TNRC6C: variants seen among roughly 807,000 people sequenced by gnomAD.
The protein encoded by TNRC6C is trinucleotide repeat containing adaptor 6C.
TNRC6C carries 20 observed loss-of-function variants against 153.7 expected under a neutral mutation model. That is an observed-to-expected ratio of 0.13 (90% CI 0.09 to 0.19). The LOEUF (loss-of-function observed/expected upper bound fraction) is 0.19. Among genes scored for constraint, TNRC6C ranks in the 10% least tolerant of loss-of-function variants. TNRC6C has a pLI of 1.00. For missense variants in TNRC6C, 1,987 were observed against 2,172.0 expected (o/e 0.91, Z 1.69); for synonymous variants, 811 against 841.4 (o/e 0.96, Z 0.63).
At chr17:78,059,163 T>G (rs2144121097) in intron 3 of TNRC6C, among the ~76,000 whole-genome samples, 1 of 152,196 alleles carries the variant, frequency 6.6e-6, no homozygotes, top group East Asian at 1.9e-4. Flanking sequence ...GCAGATGGAG[T>G]GAATCAGCAA....
At chr17:78,078,373 G>A (rs769820985) in intron 9 of TNRC6C, among the ~76,000 whole-genome samples, 1 of 152,164 alleles carries the variant, frequency 6.6e-6, no homozygotes, top group Non-Finnish European at 1.5e-5. Flanking sequence ...TACACAGAGT[G>A]AAAACTACAG....
chr17:78,091,901 C>T (rs1954053067), intron 14 of TNRC6C, among the ~76,000 whole-genome samples: 2 of 152,052 alleles, frequency 1.3e-5, no homozygotes, highest in Admixed American at 6.5e-5. Flanking sequence ...TATTCATCAA[C>T]AAAAACTTGA....
At chr17:77,974,966 A>T (rs1263465655) in intron 1 of TNRC6C, among the ~76,000 whole-genome samples, 1 of 152,252 alleles carries the variant, frequency 6.6e-6, no homozygotes, top group African/African-American at 2.4e-5. Context: ...TTGCAAAACA[A>T]ATTTGTAAAC....
At chr17:78,039,309 G>C (rs2072244152) in intron 2 of TNRC6C, among the ~76,000 whole-genome samples, 1 of 113,462 alleles carries the variant, frequency 8.8e-6, no homozygotes, top group Admixed American at 8.9e-5. Context: ...TTCAAATCTT[G>C]CCCCCCCCCC....
intron 2 of TNRC6C, among the ~76,000 whole-genome samples, chr17:78,042,971 C>G (rs145113550): frequency 6.6e-6 from 1 of 152,090 alleles, no homozygotes; most frequent in Non-Finnish European, 1.5e-5. Flanking sequence ...AGAGAGATTC[C>G]TAAGCCTACC....
At chr17:78,102,532 C>T (rs2071042984) in exon 18 of TNRC6C, 2 of 1,603,170 alleles carry the variant, frequency 1.2e-6, no homozygotes, top group Non-Finnish European at 1.7e-6. Context: ...TTCTTCGAAA[C>T]CTCACTCCCC....
chr17:78,018,742 A>G (rs934402998), intron 1 of TNRC6C, among the ~76,000 whole-genome samples: 1 of 152,132 alleles, frequency 6.6e-6, no homozygotes, highest in Non-Finnish European at 1.5e-5. Context: ...GTTCCTTGAT[A>G]CAGCCCCAGC....
At chr17:78,002,280 G>A (rs546863962), upstream of TNRC6C, among the ~76,000 whole-genome samples, 1 of 152,192 alleles carries the variant, frequency 6.6e-6, no homozygotes, top group East Asian at 1.9e-4. Flanking sequence ...TACCAGAAAT[G>A]CCCTGAAGAG....
At chr17:78,062,065 G>A (rs1226616280) in intron 3 of TNRC6C, among the ~76,000 whole-genome samples, 1 of 152,068 alleles carries the variant, frequency 6.6e-6, no homozygotes, top group East Asian at 1.9e-4. Context: ...AGTTATTTTA[G>A]CTTACTAAAA....
rs1056877243 is a variant in TNRC6C at position 78,104,760 on chromosome 17, G to A, written c.4988G>A (p.Ser1663Asn). The A allele has an allele frequency of 1.3e-6, 2 of 1,488,160 alleles. No homozygotes were observed. Among genetic ancestry groups the A allele is most frequent in the Non-Finnish European group, 1.8e-6 (2 of 1,119,328 alleles). 92.2% of individuals were successfully genotyped at this position (1,488,160 alleles called of 1,614,324 possible). Reference sequence around the variant, plus strand: ...TCCAGCAGCCTGTGGGGCCCGCCCAGCGCCGACGACAGCAGGGTGATAGGC... The same window carrying A: ...TCCAGCAGCCTGTGGGGCCCGCCCAACGCCGACGACAGCAGGGTGATAGGC... The change falls in exon 20 of 20, where the codon AGC (serine) becomes AAC (asparagine). Residue 1663 changes from serine (S) to asparagine (N), a missense_variant. Physicochemically the swap from Ser to Asn is conservative, Grantham distance 46 (BLOSUM62 1). Around this residue, in one of 4 missense-constraint regions of TNRC6C, gnomAD observed 139 missense variants for 148.5 expected, o/e 0.94. Transcript: ENST00000301624. The surrounding 1 kb of genome is among the most constrained non-coding windows in gnomAD (Gnocchi z 6.2).
chr17:78,018,375 C>T (rs1226551930), intron 1 of TNRC6C, among the ~76,000 whole-genome samples: 2 of 152,190 alleles, frequency 1.3e-5, no homozygotes, highest in Non-Finnish European at 2.9e-5. Flanking sequence ...TGATCCGCCC[C>T]GCCTCGGCCT....
intron 2 of TNRC6C, among the ~76,000 whole-genome samples, chr17:78,039,651 A>AG (rs2072254024): frequency 6.6e-6 from 1 of 152,228 alleles, no homozygotes; most frequent in Non-Finnish European, 1.5e-5. Flanking sequence ...GGCTGTTGTC[A>AG]GGCAGCATCC....
rs1281184488 is a variant in TNRC6C, at chr17:78,093,503, A to C, written c.4163-117A>C. ...GAAAGAGAGTATAAGGTGTACCTCT[A>C]ATTTAATTAGCAGATTATAAAAATT... On this transcript the variant is annotated intron_variant, in intron 15 of 19. Coordinates refer to ENST00000301624, the Ensembl canonical transcript of TNRC6C. 3.9e-6 allele frequency: 5 copies of C among 1,280,126 alleles called. No homozygotes were observed. The African/African-American group carries it at 6.0e-5, about 15-fold the overall frequency. The allele number at this position is 1,280,126 out of a possible 1,614,324, so 79.3% of individuals were successfully genotyped here.
intron 13 of TNRC6C, 48 bp downstream of exon 15, chr17:78,087,141 C>T (rs372543039): frequency 1.1e-5 from 18 of 1,595,462 alleles, no homozygotes; most frequent in Non-Finnish European, 1.5e-5. Flanking sequence ...GAGAGGGTAC[C>T]TGGAGTCCGT....
intron 6 of TNRC6C, among the ~76,000 whole-genome samples, chr17:78,072,211 G>A (rs1188027663): frequency 6.6e-6 from 1 of 152,224 alleles, no homozygotes; most frequent in Non-Finnish European, 1.5e-5. Flanking sequence ...GCAAGAGGTT[G>A]ACGGTGGCTT....
intron 1 of TNRC6C, among the ~76,000 whole-genome samples, chr17:78,013,928 T>G (rs2071681880): frequency 6.6e-6 from 1 of 152,170 alleles, no homozygotes; most frequent in South Asian, 2.1e-4. Context: ...GTTGTGCTCT[T>G]TTGCCTAAGA....
intron 2 of TNRC6C, among the ~76,000 whole-genome samples, chr17:78,040,594 C>T (rs779298525): frequency 2.0e-5 from 3 of 151,984 alleles, no homozygotes; most frequent in Non-Finnish European, 4.4e-5. Context: ...AAAGAAGGAG[C>T]GGAAAACAAA....
Position 78,056,069 on chromosome 17 carries a change from C to T in TNRC6C, c.2395+4612C>T, listed in dbSNP as rs145361071. Among the ~76,000 whole-genome samples the T allele has an allele frequency of 4.4e-3, 661 of 151,230 alleles. 1 individual carries two copies. The highest frequency in any genetic ancestry group is 0.018 in the Middle Eastern group (5 of 276). ...CTTGCTATGTTGCCCAGGCTGGTCT[C>T]AAACTCCTGGCCTCAAGCCATCCTC... On this transcript the variant is annotated intron_variant, in intron 3 of 19. Coordinates refer to ENST00000301624, the Ensembl canonical transcript of TNRC6C.
intron 1 of TNRC6C, 70 bp from the exon 4 acceptor site, chr17:78,031,446 C>G: frequency 1.7e-6 from 2 of 1,154,392 alleles, no homozygotes; most frequent in Non-Finnish European, 2.2e-6. Flanking sequence ...TTATGGTTTC[C>G]TTGGTTTGGG....
Sources: gnomAD v4.1 joint callset for allele counts (sites outside exome capture counted in the v4.1 genomes callset) on GRCh38, gnomAD v4.1.1 for gene constraint, gnomAD v4.1.1 regional missense constraint, Gnocchi (gnomAD v3.1) non-coding constraint, MANE v1.5 for transcripts, NCBI Gene and HGNC (gene_info 2026-07-23, HGNC 2026-07-21) for gene names.